RBMS2: variants seen among roughly 807,000 people sequenced by gnomAD.
RBMS2 encodes RNA-binding motif, single-stranded-interacting protein 2.
In RBMS2, 38 loss-of-function variants were observed where a neutral mutation model predicts 58.4. The observed-to-expected ratio is 0.65, with a 90% CI of 0.50 to 0.85. RBMS2 has a LOEUF of 0.85. RBMS2 is among the 40% of genes least tolerant of loss of function. The pLI, the probability that RBMS2 is intolerant of heterozygous loss-of-function variation, is 0.00. For missense variants in RBMS2, 367 were observed against 503.7 expected (o/e 0.73, Z 2.60); for synonymous variants, 151 against 180.7 (o/e 0.84, Z 1.32).
chr12:56,581,647 C>G, intron 7 of RBMS2, 139 bp downstream of exon 7: 1 of 1,141,242 alleles, frequency 8.8e-7, no homozygotes, highest in Non-Finnish European at 1.3e-6. Context: ...TGTGAACATA[C>G]TGCCAGTTTG....
At chr12:56,545,041 G>A (rs946564366) in intron 1 of RBMS2, among the ~76,000 whole-genome samples, 2 of 152,054 alleles carry the variant, frequency 1.3e-5, no homozygotes, top group African/African-American at 4.8e-5. Flanking sequence ...TACCCAATAT[G>A]TAGTCTTTTA....
Position 56,536,922 on chromosome 12 carries a change from CT to C in RBMS2, c.66+14849del, listed in dbSNP as rs975256484. Reference sequence around the variant, plus strand: ...ATAACATAAAATTTACCATCTTGAACTTTTTTTTTTTTTTTTGAGACGGAGT... The same window carrying C: ...ATAACATAAAATTTACCATCTTGAACTTTTTTTTTTTTTTTGAGACGGAGT... On this transcript the variant is annotated intron_variant, in intron 1 of 13. Coordinates refer to ENST00000262031, the MANE Select transcript of RBMS2 (RefSeq NM_002898.4). 2.4e-3 allele frequency among the ~76,000 whole-genome samples: 310 copies of C among 131,546 alleles called. 1 individual carries two copies. Among genetic ancestry groups the C allele is most frequent in the Middle Eastern group, 9.1e-3 (2 of 220 alleles). The allele number at this position is 131,546 out of a possible 152,430, so 86.3% of individuals were successfully genotyped here.
rs1885518875 is a variant in RBMS2 at position 56,594,087 on chromosome 12, G to A, written c.*4954G>A. 6.6e-6 allele frequency: 1 copy of A among 152,158 alleles called. No homozygotes were observed. Among genetic ancestry groups the A allele is most frequent in the South Asian group, 2.1e-4 (1 of 4,814 alleles). 9.4% of individuals were successfully genotyped at this position (152,158 alleles called of 1,614,324 possible). ...CAATCAGCTCACTCACCCTCCCTTA[G>A]TGCCTCCAGTGCCTACTCCTGTCAC... On this transcript the variant is annotated 3_prime_UTR_variant, in exon 14 of 14. Transcript: ENST00000262031.
chr12:56,568,749 C>G (rs1166891348), intron 2 of RBMS2, among the ~76,000 whole-genome samples: 1 of 152,058 alleles, frequency 6.6e-6, no homozygotes, highest in Non-Finnish European at 1.5e-5. Context: ...AGGCTGGCCT[C>G]AAACTCCTGA....
intron 11 of RBMS2, among the ~76,000 whole-genome samples, chr12:56,587,947 C>T (rs141946554): frequency 6.6e-6 from 1 of 152,102 alleles, no homozygotes; most frequent in African/African-American, 2.4e-5. Context: ...CCTAGGAATC[C>T]TCATCAAAAT....
rs928153122 is a variant in RBMS2 at position 56,594,828 on chromosome 12, T to G, written c.*5695T>G. Reference sequence around the variant, plus strand: ...TCCTTGTCCTTGTTACACGTCTACCTCACAACCTCACAATTCAACAACAGG... The same window carrying G: ...TCCTTGTCCTTGTTACACGTCTACCGCACAACCTCACAATTCAACAACAGG... On this transcript the variant is annotated 3_prime_UTR_variant, in exon 14 of 14. Transcript: ENST00000262031. The G allele has an allele frequency of 9.9e-5, 15 of 152,210 alleles. No homozygotes were observed. The highest frequency in any genetic ancestry group is 8.5e-4 in the Admixed American group (13 of 15,278). 9.4% of individuals were successfully genotyped at this position (152,210 alleles called of 1,614,324 possible). A position where few individuals can be genotyped will look rare whatever the true frequency, so the allele number is the denominator to read the frequency against.
intron 2 of RBMS2, among the ~76,000 whole-genome samples, chr12:56,568,035 C>A (rs1018421967): frequency 2.0e-5 from 3 of 152,174 alleles, no homozygotes; most frequent in Non-Finnish European, 4.4e-5. Context: ...TATTAATTCA[C>A]AGTCCTAACA....
At chr12:56,587,734 G>C in intron 11 of RBMS2, 70 bp downstream of exon 11, 1 of 1,501,092 alleles carries the variant, frequency 6.7e-7, no homozygotes. Context: ...ACTCTTCAGC[G>C]TAAGTAACTT....
intron 1 of RBMS2, among the ~76,000 whole-genome samples, chr12:56,532,352 G>A (rs1188702556): frequency 6.6e-6 from 1 of 152,078 alleles, no homozygotes; most frequent in Non-Finnish European, 1.5e-5. Flanking sequence ...AAACCAGCCT[G>A]ACCAACATGG....
intron 2 of RBMS2, among the ~76,000 whole-genome samples, chr12:56,563,716 T>C (rs1300754571): frequency 6.6e-6 from 1 of 152,138 alleles, no homozygotes; most frequent in Non-Finnish European, 1.5e-5. Flanking sequence ...GGCAGAAGGA[T>C]TGCTTGAGCT....
At position 56,591,146 on chromosome 12, in the gene RBMS2, C is replaced by G. The variant is rs1277122021; in HGVS notation, c.*2013C>G. Reference sequence around the variant, plus strand: ...AGGAGAATTTGACTCCCTTGCACTTCAAGGCCAGGTGCCTCTCCACTAGAC... The same window carrying G: ...AGGAGAATTTGACTCCCTTGCACTTGAAGGCCAGGTGCCTCTCCACTAGAC... On this transcript the variant is annotated 3_prime_UTR_variant, in exon 14 of 14. Coordinates refer to ENST00000262031, the MANE Select transcript of RBMS2 (RefSeq NM_002898.4). 1 of 152,322 alleles carries G rather than the reference C, an allele frequency of 6.6e-6. No homozygotes were observed. The highest frequency in any genetic ancestry group is 1.9e-4 in the East Asian group (1 of 5,188). 9.4% of individuals were successfully genotyped at this position (152,322 alleles called of 1,614,324 possible). A position where few individuals can be genotyped will look rare whatever the true frequency, so the allele number is the denominator to read the frequency against.
At chr12:56,575,554 C>T (rs574559143) in intron 5 of RBMS2, among the ~76,000 whole-genome samples, 21 of 151,828 alleles carry the variant, frequency 1.4e-4, no homozygotes, top group African/African-American at 4.8e-4. Flanking sequence ...CCCCCTTACC[C>T]CTACACCCCC....
rs1300390631 is a variant in RBMS2, at chr12:56,581,767, A to G, written c.733-66A>G. On this transcript the variant is annotated intron_variant, in intron 7 of 13. Transcript: ENST00000262031. The stretch of plus-strand genomic sequence containing the variant: ...AACCAAAACATTCCCAGCCTTGGAC[A>G]TTCTGGGCCAGCTCCTATTCTCACT... 5 of 1,564,864 alleles carry G rather than the reference A, an allele frequency of 3.2e-6. No individual in the cohort carries two copies. The Admixed American group carries it at 6.9e-5, about 22-fold the overall frequency.
At chr12:56,577,490 A>ATTATTT (rs1883310453) in intron 5 of RBMS2, among the ~76,000 whole-genome samples, 1 of 148,022 alleles carries the variant, frequency 6.8e-6, no homozygotes, top group South Asian at 2.1e-4. Flanking sequence ...TATTATTATT[A>ATTATTT]TTGAGACAGG....
chr12:56,534,932 C>T (rs1347421556), intron 1 of RBMS2, among the ~76,000 whole-genome samples: 1 of 152,198 alleles, frequency 6.6e-6, no homozygotes, highest in African/African-American at 2.4e-5. Context: ...TGAGACACGG[C>T]GCCCAGCCCC....
chr12:56,533,302 A>G (rs1480881698), intron 1 of RBMS2, among the ~76,000 whole-genome samples: 4 of 147,762 alleles, frequency 2.7e-5, no homozygotes, highest in African/African-American at 7.5e-5. Flanking sequence ...GGGACTCGCT[A>G]TGTTGCCCAA....
upstream of RBMS2, among the ~76,000 whole-genome samples, chr12:56,521,761 G>C (rs1416973618): frequency 2.0e-5 from 3 of 151,924 alleles, no homozygotes; most frequent in African/African-American, 4.8e-5. Flanking sequence ...TTAGGACCCA[G>C]TGGAAGTGCC....
intron 5 of RBMS2, among the ~76,000 whole-genome samples, chr12:56,577,129 G>A (rs944001484): frequency 6.6e-6 from 1 of 150,838 alleles, no homozygotes; most frequent in Non-Finnish European, 1.5e-5. Flanking sequence ...CAAGGCCAGG[G>A]GCAGTGGCTC....
In RBMS2 at chr12:56,549,336, G is replaced by A. The variant is rs940763064; in HGVS notation, c.67-13081G>A. On this transcript the variant is annotated intron_variant, in intron 1 of 13. Coordinates refer to ENST00000262031, the MANE Select transcript of RBMS2 (RefSeq NM_002898.4). ...TAAAGACAATGTTTTACTTATACTA[G>A]ATTATAATTACAAGTAGCTCGTCTG... Among the ~76,000 whole-genome samples the A allele has an allele frequency of 2.0e-5, 3 of 151,850 alleles. No homozygotes were observed. The East Asian group carries it at 5.8e-4, about 29-fold the overall frequency.
Sources: allele counts gnomAD v4.1 joint callset (sites outside exome capture counted in the v4.1 genomes callset), GRCh38; gene constraint gnomAD v4.1.1; transcripts MANE v1.5; gene names NCBI Gene and HGNC (gene_info 2026-07-23, HGNC 2026-07-21).